Variants in CALN1 observed in about 807,000 individuals in gnomAD.
CALN1 encodes calcium-binding protein 8.
In CALN1, 17 loss-of-function variants were observed where a neutral mutation model predicts 30.6. The ratio of observed to expected loss-of-function variants is 0.56; its 90% confidence interval spans 0.38 to 0.83. The LOEUF is 0.83. Among genes scored for constraint, CALN1 ranks in the 40% least tolerant of loss-of-function variants. The pLI is 0.00. For missense variants in CALN1, 291 were observed against 354.9 expected (o/e 0.82, Z 1.45); for synonymous variants, 156 against 131.4 (o/e 1.19, Z -1.28).
At chr7:72,233,290 C>G (rs1794243126) in intron 3 of CALN1, among the ~76,000 whole-genome samples, 1 of 150,754 alleles carries the variant, frequency 6.6e-6, no homozygotes, top group South Asian at 2.1e-4. Flanking sequence ...AAAAAAGCAA[C>G]CCCAAGGACA....
Position 72,341,926 on chromosome 7 carries a change from C to T in CALN1, c.119+61325G>A, listed in dbSNP as rs1245388603. Among the ~76,000 whole-genome samples the T allele has an allele frequency of 2.0e-5, 3 of 151,994 alleles. No homozygotes were observed. The East Asian group carries it at 5.8e-4, about 29-fold the overall frequency. ...TGGGAGGAAAAAAAAAATCAAGGATCTCTTGCCTTAGGACACTAAGCTCAG... is the reference window on the plus strand; with the variant it reads ...TGGGAGGAAAAAAAAAATCAAGGATTTCTTGCCTTAGGACACTAAGCTCAG... On this transcript the variant is annotated intron_variant, in intron 2 of 6. Coordinates refer to ENST00000395275, the MANE Select transcript of CALN1 (RefSeq NM_031468.4).
At chr7:72,408,318 G>C (rs2129562781) in intron 1 of CALN1, among the ~76,000 whole-genome samples, 1 of 150,882 alleles carries the variant, frequency 6.6e-6, no homozygotes, top group Admixed American at 6.6e-5. Context: ...GCTCACGCTT[G>C]TAGTCCCAGC....
chr7:72,138,911 A>G (rs928550077), intron 3 of CALN1, among the ~76,000 whole-genome samples: 2 of 152,114 alleles, frequency 1.3e-5, no homozygotes, highest in South Asian at 2.1e-4. Context: ...CCACACATTC[A>G]ATGAAAAACA....
At chr7:72,142,993 A>C (rs1258428902) in intron 3 of CALN1, among the ~76,000 whole-genome samples, 1 of 152,188 alleles carries the variant, frequency 6.6e-6, no homozygotes, top group Non-Finnish European at 1.5e-5. Flanking sequence ...ATCATCAAAG[A>C]CCAAAGGTAG....
intron 5 of CALN1, among the ~76,000 whole-genome samples, chr7:71,975,479 T>C (rs1012734845): frequency 1.3e-5 from 2 of 152,078 alleles, no homozygotes; most frequent in African/African-American, 4.8e-5. Flanking sequence ...CGGGCTAGAG[T>C]GCAGCAGTGC....
intron 2 of CALN1, among the ~76,000 whole-genome samples, chr7:72,323,947 G>C (rs564524002): frequency 6.6e-6 from 1 of 152,052 alleles, no homozygotes; most frequent in African/African-American, 2.4e-5. Flanking sequence ...GGGAGGCTGA[G>C]GCAGGAGGAT....
intron 2 of CALN1, among the ~76,000 whole-genome samples, chr7:72,342,697 T>TGCTA (rs1380915645): frequency 3.3e-5 from 5 of 152,100 alleles, no homozygotes; most frequent in African/African-American, 1.2e-4. Context: ...CCAAGACAAG[T>TGCTA]GCTACCTTAC....
At chr7:72,018,330 C>T (rs182358861) in intron 5 of CALN1, among the ~76,000 whole-genome samples, 3 of 152,108 alleles carry the variant, frequency 2.0e-5, no homozygotes, top group Non-Finnish European at 4.4e-5. Flanking sequence ...GCCTACCCCC[C>T]AGTCCTGAGT....
intron 2 of CALN1, among the ~76,000 whole-genome samples, chr7:72,379,395 G>A (rs554802350): frequency 6.6e-6 from 1 of 152,224 alleles, no homozygotes; most frequent in Non-Finnish European, 1.5e-5. Context: ...AATGGTAATA[G>A]CTAACAGTTA....
intron 3 of CALN1, among the ~76,000 whole-genome samples, chr7:72,148,264 TA>T (rs35780457): frequency 0.017 from 2,197 of 132,644 alleles, 41 homozygotes; most frequent in African/African-American, 0.051. Context: ...TGTGGTTGTT[TA>T]AAAAAAAAAA....
chr7:72,165,541 T>G (rs1276635869), intron 3 of CALN1, among the ~76,000 whole-genome samples: 1 of 151,530 alleles, frequency 6.6e-6, no homozygotes, highest in Admixed American at 6.6e-5. Flanking sequence ...CAAGTTGAGA[T>G]CACACCACTG....
At chr7:71,856,814 G>A (rs953657635) in intron 5 of CALN1, among the ~76,000 whole-genome samples, 12 of 152,094 alleles carry the variant, frequency 7.9e-5, no homozygotes, top group African/African-American at 2.9e-4. Flanking sequence ...AATTAGCTGG[G>A]TTTGGTGGTG....
Position 71,790,288 on chromosome 7 carries a change from C to T in CALN1, c.659-2386G>A, listed in dbSNP as rs1053350316. On this transcript the variant is annotated intron_variant, in intron 6 of 6. Coordinates refer to ENST00000395275, the MANE Select transcript of CALN1 (RefSeq NM_031468.4). ...AGCAAGAAAGCAAGCAAGAAAGAAA[C>T]GAAGGAAGGAAGGAGAAAGAAAGAA... Among the ~76,000 whole-genome samples, 14 of 126,388 alleles carry T rather than the reference C, an allele frequency of 1.1e-4. No homozygotes were observed. In the East Asian group the frequency reaches 2.1e-3, roughly 19 times the overall value. 82.9% of individuals were successfully genotyped at this position (126,388 alleles called of 152,430 possible).
intron 4 of CALN1, among the ~76,000 whole-genome samples, chr7:72,059,986 C>T (rs188648138): frequency 2.6e-5 from 4 of 152,212 alleles, no homozygotes; most frequent in Admixed American, 6.5e-5. Flanking sequence ...TAAAGTACCA[C>T]CAAACCAGCA....
chr7:72,313,204 A>G (rs1800182776), intron 2 of CALN1, among the ~76,000 whole-genome samples: 1 of 152,200 alleles, frequency 6.6e-6, no homozygotes, highest in Non-Finnish European at 1.5e-5. Context: ...TGGAGAAGAA[A>G]CAAAAGATTT....
intron 5 of CALN1, among the ~76,000 whole-genome samples, chr7:71,850,526 CTT>C (rs1225233569): frequency 6.6e-6 from 1 of 152,154 alleles, no homozygotes; most frequent in Non-Finnish European, 1.5e-5. Context: ...CTGACATTCT[CTT>C]GAGTGAAATG....
At chr7:71,902,792 C>T (rs970222214) in intron 5 of CALN1, among the ~76,000 whole-genome samples, 2 of 152,066 alleles carry the variant, frequency 1.3e-5, no homozygotes, top group African/African-American at 4.8e-5. Flanking sequence ...TTACGGAATA[C>T]TACTCAGCCA....
intron 3 of CALN1, among the ~76,000 whole-genome samples, chr7:72,237,548 A>C (rs76098295): frequency 6.6e-6 from 1 of 152,192 alleles, no homozygotes; most frequent in South Asian, 2.1e-4. Context: ...GAGGGCCAGG[A>C]GACAGAAGCA....
chr7:72,411,028 A>G (rs190060641), intron 1 of CALN1, among the ~76,000 whole-genome samples: 291 of 152,362 alleles, frequency 1.9e-3, no homozygotes, highest in African/African-American at 6.4e-3. Flanking sequence ...ATTACAAATA[A>G]TAGGTGAATT....
Sources: gnomAD v4.1 joint callset for allele counts (sites outside exome capture counted in the v4.1 genomes callset) on GRCh38, gnomAD v4.1.1 for gene constraint, MANE v1.5 for transcripts, NCBI Gene and HGNC (gene_info 2026-07-23, HGNC 2026-07-21) for gene names.